TUBA4B: variants seen among roughly 807,000 people sequenced by gnomAD.
TUBA4B encodes tubulin-like protein alpha-4B.
Under a neutral mutation model 18.4 loss-of-function variants are expected in TUBA4B, and 13 were observed. The observed-to-expected ratio is 0.71, with a 90% CI of 0.46 to 1.12. The LOEUF (loss-of-function observed/expected upper bound fraction) is 1.12. Among genes scored for constraint, TUBA4B ranks in the 50% most tolerant of loss-of-function variants. The pLI, the probability that TUBA4B is intolerant of heterozygous loss-of-function variation, is 0.00. For synonymous variants in TUBA4B, 101 were observed against 99.1 expected, an observed-to-expected ratio of 1.02 and a Z score of -0.11; for missense variants, 244 against 250.0, an observed-to-expected ratio of 0.98 and a Z score of 0.16.
chr2:219,257,778 T>C (rs1463164517), intron 1 of TUBA4B, among the ~76,000 whole-genome samples: 1 of 151,384 alleles, frequency 6.6e-6, no homozygotes, highest in Middle Eastern at 3.5e-3. Context: ...GATTGTGCCA[T>C]TGCACTCCAG....
At chr2:219,263,561 G>T (rs199730948) in intron 1 of TUBA4B, among the ~76,000 whole-genome samples, 273 of 152,330 alleles carry the variant, frequency 1.8e-3, no homozygotes, top group Non-Finnish European at 3.0e-3. Flanking sequence ...AACTCCCAAG[G>T]CCAGTTGGGA....
chr2:219,271,830 C>A lies in TUBA4B; in HGVS notation c.*131C>A. 1 of 1,572,864 alleles carries A rather than the reference C, an allele frequency of 6.4e-7. No homozygotes were observed. Among genetic ancestry groups the A allele is most frequent in the Non-Finnish European group, 8.8e-7 (1 of 1,142,534 alleles). Reference sequence around the variant, plus strand: ...GCAGCATTCAGTTTGTGGACTGGTGCCCCACAGGCTTTAAGGTTGATATCA... The same window carrying A: ...GCAGCATTCAGTTTGTGGACTGGTGACCCACAGGCTTTAAGGTTGATATCA... On this transcript the variant is annotated 3_prime_UTR_variant, in exon 4 of 4. Transcript: ENST00000490341.
chr2:219,265,888 T>TA (rs1330680223), intron 1 of TUBA4B, among the ~76,000 whole-genome samples: 1 of 152,174 alleles, frequency 6.6e-6, no homozygotes, highest in Non-Finnish European at 1.5e-5. Flanking sequence ...GTTACCTTGT[T>TA]AGTACCTCGT....
chr2:219,254,889 G>T lies in TUBA4B; in HGVS notation c.12+1470G>T, dbSNP rs1951704090. On this transcript the variant is annotated intron_variant, in intron 1 of 3. Transcript: ENST00000490341. Reference sequence around the variant, plus strand: ...AGATTCTCATATCTTGGATGATTCTGACTCTTGGTCTCTTCTGTCTCTAAC... The same window carrying T: ...AGATTCTCATATCTTGGATGATTCTTACTCTTGGTCTCTTCTGTCTCTAAC... Among the ~76,000 whole-genome samples, 5 of 152,332 alleles carry T rather than the reference G, an allele frequency of 3.3e-5. No individual in the cohort carries two copies. In the South Asian group the frequency reaches 8.3e-4, roughly 25 times the overall value.
In TUBA4B at chr2:219,265,641, GA is replaced by G. The variant is rs199886399; in HGVS notation, c.13-869del. On this transcript the variant is annotated intron_variant, in intron 1 of 3. Coordinates refer to ENST00000490341, the MANE Select transcript of TUBA4B (RefSeq NM_001355221.1). ...AACAGAGCAAGACTCCTTCTCAAAA[GA>G]AAAAAAAAAAGATGCATAAAGCAGG... Among the ~76,000 whole-genome samples the G allele has an allele frequency of 2.8e-3, 406 of 143,144 alleles. 1 individual carries two copies. Among genetic ancestry groups the G allele is most frequent in the East Asian group, 0.015 (76 of 4,960 alleles). The allele number at this position is 143,144 out of a possible 152,430, so 93.9% of individuals were successfully genotyped here.
chr2:219,271,930 T>C lies in TUBA4B; in HGVS notation c.*231T>C. The stretch of plus-strand genomic sequence containing the variant: ...CGTGCCATGTGCATGCTGAGCAACA[T>C]GACAGCCATCACTATGGCCTGGGCC... On this transcript the variant is annotated 3_prime_UTR_variant, in exon 4 of 4. Coordinates refer to ENST00000490341, the MANE Select transcript of TUBA4B (RefSeq NM_001355221.1). 4.8e-6 allele frequency: 7 copies of C among 1,465,690 alleles called. No individual in the cohort carries two copies. Among genetic ancestry groups the C allele is most frequent in the Non-Finnish European group, 6.7e-6 (7 of 1,045,302 alleles). 90.8% of individuals were successfully genotyped at this position (1,465,690 alleles called of 1,614,324 possible).
At chr2:219,256,777 C>A (rs1455693903) in intron 1 of TUBA4B, among the ~76,000 whole-genome samples, 2 of 151,966 alleles carry the variant, frequency 1.3e-5, no homozygotes, top group Non-Finnish European at 2.9e-5. Context: ...CACTTGAGGT[C>A]GGCAGTTTGA....
chr2:219,266,439 G>A, intron 1 of TUBA4B, 82 bp from the exon 2 acceptor site: 1 of 657,950 alleles, frequency 1.5e-6, no homozygotes, highest in South Asian at 1.6e-5. Flanking sequence ...CACCTGCTGA[G>A]AGCCACCCAG....
intron 1 of TUBA4B, among the ~76,000 whole-genome samples, chr2:219,262,261 A>G (rs1231335355): frequency 6.6e-6 from 1 of 152,238 alleles, no homozygotes; most frequent in African/African-American, 2.4e-5. Flanking sequence ...CAGTGAGCTG[A>G]GATCGTGCCA....
intron 2 of TUBA4B, 86 bp downstream of exon 2, chr2:219,266,652 A>G: frequency 1.5e-6 from 1 of 689,474 alleles, no homozygotes. Flanking sequence ...GTACCTTGGG[A>G]GTCCACATGG....
intron 1 of TUBA4B, among the ~76,000 whole-genome samples, chr2:219,262,697 G>T (rs1020026305): frequency 6.6e-6 from 1 of 150,770 alleles, no homozygotes; most frequent in Admixed American, 6.6e-5. Context: ...TTTTTTTTTT[G>T]TGGAGGCAGA....
At chr2:219,269,810 C>T (rs1951814337) in intron 2 of TUBA4B, among the ~76,000 whole-genome samples, 1 of 152,092 alleles carries the variant, frequency 6.6e-6, no homozygotes, top group South Asian at 2.1e-4. Context: ...GAAACATGTG[C>T]CCCAGGCGGT....
At chr2:219,260,376 A>C (rs1399407019) in intron 1 of TUBA4B, among the ~76,000 whole-genome samples, 1 of 152,220 alleles carries the variant, frequency 6.6e-6, no homozygotes, top group Non-Finnish European at 1.5e-5. Flanking sequence ...TTTTGGAATT[A>C]TTTTAAAACT....
In TUBA4B at chr2:219,253,356, G is replaced by GA; in HGVS notation, c.-52_-51insA. ...CTCAGACGCGGGGTGCTGAGTCACGGGGGGGGGGTGGTTCTGTGGATAGTT... is the reference window on the plus strand; with the variant it reads ...CTCAGACGCGGGGTGCTGAGTCACGGAGGGGGGGGTGGTTCTGTGGATAGTT... On this transcript the variant is annotated 5_prime_UTR_variant, in exon 1 of 4. Coordinates refer to ENST00000490341, the MANE Select transcript of TUBA4B (RefSeq NM_001355221.1). 6.8e-7 allele frequency: 1 copy of GA among 1,462,320 alleles called. No homozygotes were observed. 90.6% of individuals were successfully genotyped at this position (1,462,320 alleles called of 1,614,324 possible).
rs757244673 is a variant in TUBA4B, at chr2:219,253,359, G to GGT, written c.-48_-47insTG. 5 of 1,531,968 alleles carry GGT rather than the reference G, an allele frequency of 3.3e-6. No homozygotes were observed. Among genetic ancestry groups the GGT allele is most frequent in the South Asian group, 1.2e-5 (1 of 83,864 alleles). 94.9% of individuals were successfully genotyped at this position (1,531,968 alleles called of 1,614,324 possible). ...AGACGCGGGGTGCTGAGTCACGGGGGGGGGGTGGTTCTGTGGATAGTTGGA... is the reference window on the plus strand; with the variant it reads ...AGACGCGGGGTGCTGAGTCACGGGGGGTGGGGGTGGTTCTGTGGATAGTTGGA... On this transcript the variant is annotated 5_prime_UTR_variant, in exon 1 of 4. Transcript: ENST00000490341.
At chr2:219,253,810 A>C in intron 1 of TUBA4B, 1 of 1,529,444 alleles carries the variant, frequency 6.5e-7, no homozygotes, top group Non-Finnish European at 8.8e-7. Context: ...CCCAAAGGAG[A>C]GGGGCAATTA....
intron 1 of TUBA4B, among the ~76,000 whole-genome samples, chr2:219,263,423 G>A (rs1218470005): frequency 5.9e-5 from 9 of 152,216 alleles, no homozygotes; most frequent in African/African-American, 1.7e-4. Flanking sequence ...AACCCAGGAG[G>A]AGGAGGTTAC....
At chr2:219,262,671 C>A (rs1315468661) in intron 1 of TUBA4B, among the ~76,000 whole-genome samples, 1 of 151,980 alleles carries the variant, frequency 6.6e-6, no homozygotes. Flanking sequence ...CCACACCCAG[C>A]TAATTAAAAA....
chr2:219,267,546 G>T lies in TUBA4B; in HGVS notation c.58+980G>T, dbSNP rs545124866. Among the ~76,000 whole-genome samples the T allele has an allele frequency of 7.6e-4, 115 of 152,040 alleles. 1 individual carries two copies. Among genetic ancestry groups the T allele is most frequent in the African/African-American group, 2.6e-3 (107 of 41,476 alleles). ...CAGAGAGATGGGGGTTTGAGGCCAG[G>T]TCTGTGTGACTCCAGAGGCTGAGTT... On this transcript the variant is annotated intron_variant, in intron 2 of 3. Coordinates refer to ENST00000490341, the MANE Select transcript of TUBA4B (RefSeq NM_001355221.1).
Sources: allele counts gnomAD v4.1 joint callset (sites outside exome capture counted in the v4.1 genomes callset), GRCh38; gene constraint gnomAD v4.1.1; transcripts MANE v1.5; gene names NCBI Gene and HGNC (gene_info 2026-07-23, HGNC 2026-07-21).